Variants in ST3GAL1 observed in about 807,000 individuals in gnomAD.
The protein encoded by ST3GAL1 is CMP-N-acetylneuraminate-beta-galactosamide-alpha-2,3-sialyltransferase 1.
Under a neutral mutation model 34.1 loss-of-function variants are expected in ST3GAL1, and 16 were observed. The ratio of observed to expected loss-of-function variants is 0.47; its 90% CI spans 0.32 to 0.71. The LOEUF is 0.71. Ranked by LOEUF, ST3GAL1 falls within the 30% of genes least tolerant of loss-of-function variation. ST3GAL1 has a pLI of 0.04. For synonymous variants in ST3GAL1, 191 were observed against 184.7 expected (o/e 1.03, Z -0.28); for missense variants, 353 against 447.4 (o/e 0.79, Z 1.90).
At chr8:133,475,680 A>C (rs754562848) in intron 5 of ST3GAL1, 39 bp downstream of exon 5, 1 of 1,525,436 alleles carries the variant, frequency 6.6e-7, no homozygotes, top group Non-Finnish European at 8.8e-7. Flanking sequence ...TCCACACCCC[A>C]ACTCTCAGCC....
Position 133,476,017 on chromosome 8 carries a change from G to A in ST3GAL1, c.8C>T (p.Thr3Ile). MV[T>I]LRKRTLKVLT... Reference sequence around the variant, plus strand: ...CACTTTCAGGGTCCTCTTCCGCAGGGTCACCATCTTCGCAGTCCTGATGGT... The same window carrying A: ...CACTTTCAGGGTCCTCTTCCGCAGGATCACCATCTTCGCAGTCCTGATGGT... Residue 3 changes from threonine (T) to isoleucine (I), a missense_variant, in exon 5 of 10, where the codon ACC becomes ATC. Coordinates refer to ENST00000522652, the MANE Select transcript of ST3GAL1 (RefSeq NM_173344.3). The A allele has an allele frequency of 6.3e-7, 1 of 1,587,848 alleles. No homozygotes were observed. Among genetic ancestry groups the A allele is most frequent in the Non-Finnish European group, 8.6e-7 (1 of 1,165,442 alleles).
chr8:133,523,634 T>C, intron 2 of ST3GAL1, among the ~76,000 whole-genome samples: 1 of 152,176 alleles, frequency 6.6e-6, no homozygotes, highest in Non-Finnish European at 1.5e-5. Flanking sequence ...CATGGGACTC[T>C]CAGGACCTCC....
Position 133,476,048 on chromosome 8 carries a change from C to T in ST3GAL1, c.-24G>A. 6 of 1,533,426 alleles carry T rather than the reference C, an allele frequency of 3.9e-6. No homozygotes were observed. Among genetic ancestry groups the T allele is most frequent in the Non-Finnish European group, 5.3e-6 (6 of 1,139,028 alleles). The allele number at this position is 1,533,426 out of a possible 1,614,324, so 95.0% of individuals were successfully genotyped here. On this transcript the variant is annotated 5_prime_UTR_variant, in exon 5 of 10. Transcript: ENST00000522652. ...ATCTTCGCAGTCCTGATGGTGGCCT[C>T]CCACGATGGGTAGCAGGAACTCCCT...
chr8:133,553,868 T>C (rs1287672694), intron 1 of ST3GAL1, among the ~76,000 whole-genome samples: 2 of 152,082 alleles, frequency 1.3e-5, no homozygotes, highest in Admixed American at 6.5e-5. Flanking sequence ...GTTTGCAACA[T>C]AGGTTGCGGC....
rs1052983565 is a variant in ST3GAL1 at position 133,571,147 on chromosome 8, C to T, written c.-582+546G>A. On this transcript the variant is annotated intron_variant, in intron 1 of 9. Coordinates refer to ENST00000522652, the MANE Select transcript of ST3GAL1 (RefSeq NM_173344.3). The surrounding 1 kb of genome is among the most constrained non-coding windows in gnomAD (Gnocchi z 6.7). ...CTTGCAGCGGATTGGGGGACTCGAT[C>T]CGGATACTGTCCCACGGCCGCTCGT... 2.0e-5 allele frequency among the ~76,000 whole-genome samples: 3 copies of T among 152,346 alleles called. No individual in the cohort carries two copies. The highest frequency in any genetic ancestry group is 4.1e-4 in the South Asian group (2 of 4,830).
intron 3 of ST3GAL1, among the ~76,000 whole-genome samples, chr8:133,493,573 G>A (rs184061889): frequency 1.3e-4 from 20 of 152,284 alleles, no homozygotes; most frequent in East Asian, 3.9e-4. Flanking sequence ...CTGACTGGGC[G>A]TGGTGGCTCA....
Position 133,458,913 on chromosome 8 carries a change from TCTCA to T in ST3GAL1, c.*847_*850del. On this transcript the variant is annotated 3_prime_UTR_variant, in exon 10 of 10. Coordinates refer to ENST00000522652, the MANE Select transcript of ST3GAL1 (RefSeq NM_173344.3). The stretch of plus-strand genomic sequence containing the variant: ...TTTTTTTTTTTTTTCAGAGACAGGG[TCTCA>T]CTCTGTTGCCCAGGCTGGAGTGCAG... The T allele has an allele frequency of 6.8e-6, 1 of 146,646 alleles. No individual in the cohort carries two copies. Among genetic ancestry groups the T allele is most frequent in the Non-Finnish European group, 1.5e-5 (1 of 67,056 alleles). The allele number at this position is 146,646 out of a possible 1,614,324, so 9.1% of individuals were successfully genotyped here.
At chr8:133,498,818 C>T (rs1276655195) in intron 3 of ST3GAL1, among the ~76,000 whole-genome samples, 2 of 152,170 alleles carry the variant, frequency 1.3e-5, no homozygotes, top group Non-Finnish European at 2.9e-5. Flanking sequence ...CTCGGAGCAA[C>T]CCTCCTGGGA....
intron 2 of ST3GAL1, among the ~76,000 whole-genome samples, chr8:133,530,809 G>GT (rs1342431017): frequency 6.6e-6 from 1 of 152,154 alleles, no homozygotes; most frequent in Non-Finnish European, 1.5e-5. Context: ...GGCCAGCATC[G>GT]TGGGTTCCTT....
rs564212120 is a variant in ST3GAL1, at chr8:133,471,029, C to T, written c.306+4690G>A. Among the ~76,000 whole-genome samples the T allele has an allele frequency of 6.6e-5, 10 of 152,264 alleles. No individual in the cohort carries two copies. In the East Asian group the frequency reaches 1.9e-3, roughly 29 times the overall value. ...CCCTTCCCATCCTCCTTCCTCCTTC[C>T]ACGGCCAATGAATGATGCATCGCCT... On this transcript the variant is annotated intron_variant, in intron 5 of 9. Transcript: ENST00000522652.
At chr8:133,540,996 T>TATATATGCAGACATATATATAGAC (rs1818490054) in intron 2 of ST3GAL1, among the ~76,000 whole-genome samples, 2 of 50,144 alleles carry the variant, frequency 4.0e-5, no homozygotes, top group Non-Finnish European at 7.8e-5. Context: ...TATATAGACA[T>TATATATGCAGACATATATATAGAC]ATATATATAG....
intron 2 of ST3GAL1, among the ~76,000 whole-genome samples, chr8:133,516,672 T>C (rs1244076664): frequency 6.6e-6 from 1 of 152,224 alleles, no homozygotes; most frequent in Non-Finnish European, 1.5e-5. Flanking sequence ...ACAATAGCTC[T>C]GTGAGGCTGG....
At chr8:133,514,443 A>C (rs1034906092) in intron 2 of ST3GAL1, among the ~76,000 whole-genome samples, 2 of 152,052 alleles carry the variant, frequency 1.3e-5, no homozygotes, top group Non-Finnish European at 2.9e-5. Context: ...GCCATGGAAG[A>C]GAATGGAACA....
At chr8:133,522,403 C>G (rs1817840186) in intron 2 of ST3GAL1, among the ~76,000 whole-genome samples, 1 of 152,204 alleles carries the variant, frequency 6.6e-6, no homozygotes, top group South Asian at 2.1e-4. Flanking sequence ...ATCACAGGCA[C>G]AGTGTGGTTT....
intron 6 of ST3GAL1, 134 bp from the exon 7 acceptor site, chr8:133,465,091 C>T: frequency 1.2e-6 from 1 of 819,626 alleles, no homozygotes. Flanking sequence ...TCCTTCTCCT[C>T]ATCTGTAAAA....
In ST3GAL1 at chr8:133,510,259, C is replaced by T. The variant is rs186206064; in HGVS notation, c.-428-11070G>A. 1.3e-3 allele frequency among the ~76,000 whole-genome samples: 197 copies of T among 152,200 alleles called. 1 individual carries two copies. Among genetic ancestry groups the T allele is most frequent in the African/African-American group, 2.3e-3 (96 of 41,518 alleles). On this transcript the variant is annotated intron_variant, in intron 2 of 9. Coordinates refer to ENST00000522652, the MANE Select transcript of ST3GAL1 (RefSeq NM_173344.3). ...AGCCAATTAGTGGCCTTTTGAACAC[C>T]AGCTCCACTTCCCAAAGTGCTTCTC...
chr8:133,481,491 G>A (rs1183544447), intron 3 of ST3GAL1, among the ~76,000 whole-genome samples: 3 of 150,968 alleles, frequency 2.0e-5, no homozygotes, highest in Non-Finnish European at 2.9e-5. Context: ...TGTTGTCATT[G>A]TTGTTGTTGT....
chr8:133,471,136 G>A (rs370102578), intron 5 of ST3GAL1, among the ~76,000 whole-genome samples: 2 of 152,138 alleles, frequency 1.3e-5, no homozygotes, highest in Non-Finnish European at 2.9e-5. Flanking sequence ...CCTCACCGCA[G>A]GCCTCATTCC....
At chr8:133,538,903 T>G (rs1320108683) in intron 2 of ST3GAL1, among the ~76,000 whole-genome samples, 1 of 143,386 alleles carries the variant, frequency 7.0e-6, no homozygotes, top group Non-Finnish European at 1.5e-5. Flanking sequence ...GCCCCCCAAC[T>G]TATTAGCTGT....
Sources: allele counts gnomAD v4.1 joint callset (sites outside exome capture counted in the v4.1 genomes callset), GRCh38; gene constraint gnomAD v4.1.1; non-coding constraint Gnocchi (gnomAD v3.1); transcripts MANE v1.5; gene names NCBI Gene and HGNC (gene_info 2026-07-23, HGNC 2026-07-21).